SHANK2: variants seen among roughly 807,000 people sequenced by gnomAD.
The protein encoded by SHANK2 is SH3 and multiple ankyrin repeat domains 2, also known as SH3 and multiple ankyrin repeat domains protein 2.
SHANK2 carries 43 observed loss-of-function variants against 133.7 expected under a neutral mutation model. That is an observed-to-expected ratio of 0.32 (90% CI 0.25 to 0.41). The LOEUF (loss-of-function observed/expected upper bound fraction) is 0.41, where lower values mean the gene tolerates loss of function less well. Among genes scored for constraint, SHANK2 ranks in the 10% least tolerant of loss-of-function variants. The probability of loss-of-function intolerance (pLI) is 1.00; values close to 1 mark genes in which losing one functional copy is unlikely to be tolerated. For synonymous variants in SHANK2, 1,017 were observed against 952.8 expected (o/e 1.07, Z -1.24); for missense variants, 1,994 against 2,235.8 (o/e 0.89, Z 2.18).
At chr11:70,513,849 G>A (rs2059234779) in intron 17 of SHANK2, among the ~76,000 whole-genome samples, 1 of 152,074 alleles carries the variant, frequency 6.6e-6, no homozygotes, top group Non-Finnish European at 1.5e-5. Flanking sequence ...TTAAAAAGTA[G>A]AACAGAGAGT....
intron 17 of SHANK2, among the ~76,000 whole-genome samples, chr11:70,594,849 C>T (rs2060375679): frequency 1.3e-5 from 2 of 152,162 alleles, no homozygotes; most frequent in African/African-American, 2.4e-5. Flanking sequence ...GGATTCCCAC[C>T]CATGCTCCTC....
At chr11:70,538,706 G>C (rs1380767561) in intron 17 of SHANK2, among the ~76,000 whole-genome samples, 1 of 152,194 alleles carries the variant, frequency 6.6e-6, no homozygotes, top group African/African-American at 2.4e-5. Context: ...GCCTGCTCCA[G>C]GGGGAGATAA....
chr11:71,202,213 C>G (rs1555117251), intron 2 of SHANK2, among the ~76,000 whole-genome samples: 6 of 152,232 alleles, frequency 3.9e-5, no homozygotes, highest in Non-Finnish European at 2.9e-5. Context: ...CGGGTGGCAG[C>G]CCAGATCAGG....
intron 10 of SHANK2, among the ~76,000 whole-genome samples, chr11:70,905,985 G>A (rs1950098507): frequency 6.6e-6 from 1 of 151,928 alleles, no homozygotes; most frequent in African/African-American, 2.4e-5. Context: ...CTAATTTTTT[G>A]TATTTTTAGT....
chr11:70,951,363 C>A (rs59301426), intron 10 of SHANK2, among the ~76,000 whole-genome samples: 1 of 151,506 alleles, frequency 6.6e-6, no homozygotes, highest in African/African-American at 2.4e-5. Context: ...TTTCCCCTGG[C>A]GGCTGGGTGG....
intron 17 of SHANK2, among the ~76,000 whole-genome samples, chr11:70,616,517 A>C (rs2060743981): frequency 6.6e-6 from 1 of 152,162 alleles, no homozygotes; most frequent in African/African-American, 2.4e-5. Context: ...AGGAGGCTGA[A>C]AGTCCAGGGA....
intron 8 of SHANK2, among the ~76,000 whole-genome samples, chr11:71,082,401 G>T (rs1332010257): frequency 6.6e-6 from 1 of 152,238 alleles, no homozygotes; most frequent in Non-Finnish European, 1.5e-5. Flanking sequence ...GATCGCCTCA[G>T]CACCTGGACA....
chr11:70,622,359 C>G (rs2060840795), intron 17 of SHANK2, among the ~76,000 whole-genome samples: 1 of 152,158 alleles, frequency 6.6e-6, no homozygotes, highest in Admixed American at 6.5e-5. Flanking sequence ...CACCCCCAGC[C>G]TCAGTCCTCT....
At chr11:70,624,789 C>G (rs1372011040) in intron 17 of SHANK2, among the ~76,000 whole-genome samples, 1 of 152,192 alleles carries the variant, frequency 6.6e-6, no homozygotes, top group Non-Finnish European at 1.5e-5. Flanking sequence ...TAGAAACGTC[C>G]CCGGTGTCGT....
At chr11:71,155,300 A>C (rs1471027699) in intron 2 of SHANK2, among the ~76,000 whole-genome samples, 3 of 58,090 alleles carry the variant, frequency 5.2e-5, no homozygotes, top group Non-Finnish European at 6.6e-5. Flanking sequence ...GACCTACCCC[A>C]GCCCAAGCTC....
At chr11:70,538,695 T>C (rs1400458319) in intron 17 of SHANK2, among the ~76,000 whole-genome samples, 1 of 152,202 alleles carries the variant, frequency 6.6e-6, no homozygotes, top group South Asian at 2.1e-4. Flanking sequence ...CCTGGGGCTC[T>C]GCCTGCTCCA....
intron 2 of SHANK2, among the ~76,000 whole-genome samples, chr11:71,221,418 A>G: frequency 6.6e-6 from 1 of 152,092 alleles, no homozygotes; most frequent in East Asian, 1.9e-4. Flanking sequence ...CAGGGTCCTC[A>G]CCCCAGTCCT....
rs782344648 is a variant in SHANK2 at position 70,469,522 on chromosome 11, CT to C, written c.*3346del. On this transcript the variant is annotated 3_prime_UTR_variant, in exon 26 of 26. Coordinates refer to ENST00000601538, the MANE Select transcript of SHANK2 (RefSeq NM_012309.5). The stretch of plus-strand genomic sequence containing the variant: ...TGGGAGAAAGTGCAAATTACAGGAG[CT>C]TTTTTTTTTTTTTATAAAGTCTAAA... 5,550 of 139,344 alleles carry C rather than the reference CT, an allele frequency of 0.04. 298 individuals are homozygous for C. The highest frequency in any genetic ancestry group is 0.13 in the African/African-American group (5,025 of 38,670). 8.6% of individuals were successfully genotyped at this position (139,344 alleles called of 1,614,324 possible).
chr11:70,845,091 C>T (rs1948974283), intron 11 of SHANK2, among the ~76,000 whole-genome samples: 1 of 149,208 alleles, frequency 6.7e-6, no homozygotes, highest in Non-Finnish European at 1.5e-5. Context: ...CCCAGCTACT[C>T]AGGAAGCTGA....
intron 3 of SHANK2, among the ~76,000 whole-genome samples, chr11:71,137,909 C>T (rs1386906392): frequency 1.3e-5 from 2 of 152,210 alleles, no homozygotes; most frequent in African/African-American, 2.4e-5. Context: ...CATCGAAACG[C>T]AGCTTCTAAC....
At position 70,485,653 on chromosome 11, in the gene SHANK2, G is replaced by A. The variant is rs1346543929; in HGVS notation, c.4640C>T (p.Pro1547Leu). 6.2e-6 allele frequency: 10 copies of A among 1,614,002 alleles called. No homozygotes were observed. The highest frequency in any genetic ancestry group is 1.1e-5 in the South Asian group (1 of 91,086). The change falls in exon 25 of 26, where the codon CCT (proline) becomes CTT (leucine). Residue 1547 changes from proline (P) to leucine (L), a missense_variant. By Grantham distance (98) the Pro-to-Leu change is moderately conservative (BLOSUM62 -3). Transcript: ENST00000601538. This position sits in a 1 kb window ranked among gnomAD's most constrained non-coding sequence, Gnocchi z 5.8. ...GATGGGCTTCATTTTTGGCTTAGGA[G>A]GTACTGGGGGTTTGTCAACCATAAA... ...QAFMVDKPPV[P>L]PKPKMKPIIH...
At chr11:70,870,097 A>G (rs1949434901) in intron 11 of SHANK2, among the ~76,000 whole-genome samples, 1 of 152,176 alleles carries the variant, frequency 6.6e-6, no homozygotes, top group Non-Finnish European at 1.5e-5. Context: ...CCTAAATCCA[A>G]TAATTAGTGT....
chr11:71,083,036 C>T (rs986189613), intron 8 of SHANK2, among the ~76,000 whole-genome samples: 3 of 151,596 alleles, frequency 2.0e-5, no homozygotes, highest in Non-Finnish European at 4.4e-5. Context: ...GCCTCCACCT[C>T]CAGGCTCAGG....
intron 18 of SHANK2, 42 bp downstream of exon 18, chr11:70,502,754 A>G (rs782770970): frequency 9.9e-5 from 25 of 253,798 alleles, no homozygotes; most frequent in African/African-American, 1.6e-4. Context: ...CCCCCCCCCC[A>G]GTAGGGCCCC....
Sources: gnomAD v4.1 joint callset for allele counts (sites outside exome capture counted in the v4.1 genomes callset) on GRCh38, gnomAD v4.1.1 for gene constraint, Gnocchi (gnomAD v3.1) non-coding constraint, MANE v1.5 for transcripts, NCBI Gene and HGNC (gene_info 2026-07-23, HGNC 2026-07-21) for gene names.